The following GRPEL2 variants were observed in gnomAD, a reference collection of about 807,000 sequenced individuals.
GRPEL2 encodes the protein GrpE like 2, mitochondrial.
In GRPEL2, 18 loss-of-function variants were observed where a neutral mutation model predicts 25.9. The ratio of observed to expected loss-of-function variants is 0.70; its 90% CI spans 0.48 to 1.03. The LOEUF (loss-of-function observed/expected upper bound fraction) is 1.03. Among genes scored for constraint, GRPEL2 ranks in the 50% least tolerant of loss-of-function variants. The probability of loss-of-function intolerance (pLI) is 0.00; values close to 1 mark genes in which losing one functional copy is unlikely to be tolerated. For synonymous variants in GRPEL2, 106 were observed against 107.9 expected (o/e 0.98, Z 0.11); for missense variants, 247 against 276.2 (o/e 0.89, Z 0.75).
In GRPEL2 at chr5:149,351,474, G is replaced by A. The variant is rs1757775210; in HGVS notation, c.*192G>A. The A allele has an allele frequency of 1.7e-6, 1 of 585,902 alleles. No individual in the cohort carries two copies. The allele number at this position is 585,902 out of a possible 1,614,324, so 36.3% of individuals were successfully genotyped here. ...TGGTCTCATCAGAAGTCTTACCATT[G>A]GGCATTTGAACAGTGTGACAGGTGT... On this transcript the variant is annotated 3_prime_UTR_variant, in exon 4 of 4. Transcript: ENST00000329271.
In GRPEL2 at chr5:149,346,715, A is replaced by ATTTT. The variant is rs34300270; in HGVS notation, c.77+1136_77+1139dup. Among the ~76,000 whole-genome samples the ATTTT allele has an allele frequency of 4.8e-3, 282 of 59,260 alleles. 44 individuals are homozygous for ATTTT. Among genetic ancestry groups the ATTTT allele is most frequent in the Non-Finnish European group, 6.0e-3 (210 of 35,054 alleles). 38.9% of individuals were successfully genotyped at this position (59,260 alleles called of 152,430 possible). On this transcript the variant is annotated intron_variant, in intron 1 of 3. Transcript: ENST00000329271. ...TTTTCCCTTTGAACTGGCCCTGAGA[A>ATTTT]TTTTTTTTTTTTTTTTTTTTTTTTT...
chr5:149,346,671 T>C (rs1341411879), intron 1 of GRPEL2, among the ~76,000 whole-genome samples: 1 of 151,476 alleles, frequency 6.6e-6, no homozygotes, highest in Non-Finnish European at 1.5e-5. Flanking sequence ...ACCCTATTTC[T>C]TGGTCTAAGC....
In GRPEL2 at chr5:149,347,490, C is replaced by T. The variant is rs1286778845; in HGVS notation, c.78-782C>T. On this transcript the variant is annotated intron_variant, in intron 1 of 3. Coordinates refer to ENST00000329271, the MANE Select transcript of GRPEL2 (RefSeq NM_152407.4). ...TTGAACTGGGCCAGGTCAGGACTGC[C>T]ACAGCCCAAGATTTGCTGTAAACTA... Among the ~76,000 whole-genome samples the T allele has an allele frequency of 2.0e-5, 3 of 152,320 alleles. No homozygotes were observed. In the East Asian group the frequency reaches 5.8e-4, roughly 29 times the overall value.
chr5:149,352,923 A>G lies in GRPEL2; in HGVS notation c.*1641A>G. On this transcript the variant is annotated 3_prime_UTR_variant, in exon 4 of 4. Coordinates refer to ENST00000329271, the MANE Select transcript of GRPEL2 (RefSeq NM_152407.4). ...ATTTAAGATTAATGGGCATGCAATG[A>G]AGTCTCCAGCAGACAATCAGATGTT... 1 of 152,310 alleles carries G rather than the reference A, an allele frequency of 6.6e-6. No homozygotes were observed. The highest frequency in any genetic ancestry group is 1.9e-4 in the East Asian group (1 of 5,206). The allele number at this position is 152,310 out of a possible 1,614,324, so 9.4% of individuals were successfully genotyped here. A position where few individuals can be genotyped will look rare whatever the true frequency, so the allele number is the denominator to read the frequency against.
At chr5:149,346,365 G>A (rs1190578023) in intron 1 of GRPEL2, among the ~76,000 whole-genome samples, 1 of 152,170 alleles carries the variant, frequency 6.6e-6, no homozygotes, top group Non-Finnish European at 1.5e-5. Flanking sequence ...TGAGTACGAG[G>A]TAGGGTTGGA....
At chr5:149,349,827 A>T in intron 3 of GRPEL2, 92 bp downstream of exon 3, 1 of 863,488 alleles carries the variant, frequency 1.2e-6, no homozygotes. Context: ...AGGCTGTCAG[A>T]TCACATGAGA....
At chr5:149,345,733 C>T (rs1167707164) in intron 1 of GRPEL2, 117 bp downstream of exon 1, 7 of 812,798 alleles carry the variant, frequency 8.6e-6, no homozygotes, top group Non-Finnish European at 1.4e-5. Context: ...GGGGACCAAG[C>T]TTCTCGGCCT....
chr5:149,351,217 C>T lies in GRPEL2; in HGVS notation c.613C>T (p.Leu205Phe). The T allele has an allele frequency of 6.2e-7, 1 of 1,614,152 alleles. No individual in the cohort carries two copies. Among genetic ancestry groups the T allele is most frequent in the East Asian group, 2.2e-5 (1 of 44,878 alleles). ...ATTAGTAAGACAAGATGGCTACAAA[C>T]TTCATGGCCGCACCATTAGGCTTGC... Reference protein sequence around the residue: ...VALVRQDGYKLHGRTIRLARV... With the variant: ...VALVRQDGYKFHGRTIRLARV... The change falls in exon 4 of 4, where the codon CTT (leucine) becomes TTT (phenylalanine). Residue 205 changes from leucine to phenylalanine, a missense_variant. Transcript: ENST00000329271.
chr5:149,346,997 T>C (rs1449012222), intron 1 of GRPEL2, among the ~76,000 whole-genome samples: 1 of 152,144 alleles, frequency 6.6e-6, no homozygotes, highest in Non-Finnish European at 1.5e-5. Flanking sequence ...AGTGCTGGGA[T>C]TACAGGCGTG....
chr5:149,346,897 C>T (rs1261288758), intron 1 of GRPEL2, among the ~76,000 whole-genome samples: 1 of 151,798 alleles, frequency 6.6e-6, no homozygotes, highest in Non-Finnish European at 1.5e-5. Flanking sequence ...GCCACTACGC[C>T]CAGCTAATTT....
intron 3 of GRPEL2, 175 bp downstream of exon 3, chr5:149,349,910 G>A (rs1757749737): frequency 1.7e-6 from 1 of 586,624 alleles, no homozygotes. Context: ...TAGGCATGGT[G>A]GCAGGCGCCT....
Position 149,345,604 on chromosome 5 carries a change from C to A in GRPEL2, c.65C>A (p.Ala22Glu). The A allele has an allele frequency of 4.3e-6, 7 of 1,610,178 alleles. No homozygotes were observed. Among genetic ancestry groups the A allele is most frequent in the Non-Finnish European group, 5.9e-6 (7 of 1,178,622 alleles). The change falls in exon 1 of 4, where the codon GCG becomes GAG. Residue 22 changes from alanine (A) to glutamate (E), a missense_variant. Around this residue, in one of 2 missense-constraint regions of GRPEL2, gnomAD observed 125 missense variants for 107.0 expected, o/e 1.17. Transcript: ENST00000329271. ...RVQRLLAWSA[A>E]WESKGWPLPF... ...CAGCGCCTACTGGCCTGGAGTGCCG[C>A]GTGGGAGAGCAAGTAAGCATTGCAG...
Position 149,348,334 on chromosome 5 carries a change from A to C in GRPEL2, c.140A>C (p.Glu47Ala), listed in dbSNP as rs1284106786. 6.2e-7 allele frequency: 1 copy of C among 1,613,380 alleles called. No individual in the cohort carries two copies. The highest frequency in any genetic ancestry group is 8.5e-7 in the Non-Finnish European group (1 of 1,179,878). The stretch of plus-strand genomic sequence containing the variant: ...ACTGCTGGTGAGGACTGCCGTTCTG[A>C]GGACCCTCCTGATGAGCTTGGGCCC... ...QRTAGEDCRS[E>A]DPPDELGPPL... The change falls in exon 2 of 4, where the codon GAG (glutamate) becomes GCG (alanine). Residue 47 changes from glutamate (E) to alanine (A), a missense_variant. By Grantham distance (107) the Glu-to-Ala change is moderately radical (BLOSUM62 -1). Coordinates refer to ENST00000329271, the MANE Select transcript of GRPEL2 (RefSeq NM_152407.4).
rs754963360 is a variant in GRPEL2 at position 149,350,980 on chromosome 5, T to G, written c.376T>G (p.Cys126Gly). The change falls in exon 4 of 4, where the codon TGC becomes GGC. Residue 126 changes from cysteine to glycine, a missense_variant. This residue lies in a region of GRPEL2 where 122 missense variants were observed against 169.2 expected (regional missense o/e 0.72). Transcript: ENST00000329271. Reference sequence around the variant, plus strand: ...TGACATTTTGGAGAAGACTACAGAGTGCATTTCTGAAGAATCGGAGCCTGA... The same window carrying G: ...TGACATTTTGGAGAAGACTACAGAGGGCATTTCTGAAGAATCGGAGCCTGA... ...VADILEKTTE[C>G]ISEESEPEDQ... The G allele has an allele frequency of 2.4e-5, 39 of 1,613,910 alleles. No homozygotes were observed. Among genetic ancestry groups the G allele is most frequent in the Non-Finnish European group, 3.1e-5 (36 of 1,179,964 alleles).
rs187777262 is a variant in GRPEL2 at position 149,349,661 on chromosome 5, A to G, written c.239A>G (p.Tyr80Cys). ...EKEVQDLTVR[Y>C]QRAIADCENI... ...TTTGCTTTTGATATTCAGGTGAGATACCAGAGAGCTATAGCTGATTGTGAA... is the reference window on the plus strand; with the variant it reads ...TTTGCTTTTGATATTCAGGTGAGATGCCAGAGAGCTATAGCTGATTGTGAA... Residue 80 changes from tyrosine to cysteine, a missense_variant, in exon 3 of 4, where the codon TAC becomes TGC. Tyr to Cys is a radical substitution (Grantham distance 194). Coordinates refer to ENST00000329271, the MANE Select transcript of GRPEL2 (RefSeq NM_152407.4). The G allele has an allele frequency of 5.0e-6, 8 of 1,604,998 alleles. No individual in the cohort carries two copies. In the East Asian group the frequency reaches 6.7e-5, roughly 14 times the overall value.
chr5:149,347,966 C>T (rs149195763), intron 1 of GRPEL2: 329 of 223,064 alleles, frequency 1.5e-3, no homozygotes, highest in African/African-American at 6.8e-3. Context: ...CCTGACCCAG[C>T]GGAATACCAA....
chr5:149,348,978 T>C (rs1358964422), intron 2 of GRPEL2, among the ~76,000 whole-genome samples: 2 of 151,116 alleles, frequency 1.3e-5, no homozygotes, highest in Admixed American at 6.6e-5. Flanking sequence ...AATAACTGCC[T>C]CCAAATAGAT....
In GRPEL2 at chr5:149,351,383, T is replaced by C; in HGVS notation, c.*101T>C. 5 of 1,252,378 alleles carry C rather than the reference T, an allele frequency of 4.0e-6. No individual in the cohort carries two copies. The highest frequency in any genetic ancestry group is 4.4e-6 in the Non-Finnish European group (4 of 908,884). The allele number at this position is 1,252,378 out of a possible 1,614,324, so 77.6% of individuals were successfully genotyped here. On this transcript the variant is annotated 3_prime_UTR_variant, in exon 4 of 4. Coordinates refer to ENST00000329271, the MANE Select transcript of GRPEL2 (RefSeq NM_152407.4). ...ATTGTACATGAGGTACTTCATGTGA[T>C]ATGTTTTGGATTTAGTCATATTGGC...
rs1204401880 is a variant in GRPEL2, at chr5:149,351,279, G to A, written c.675G>A (p.Leu225=). 1.9e-6 allele frequency: 3 copies of A among 1,603,684 alleles called. No individual in the cohort carries two copies. The highest frequency in any genetic ancestry group is 2.2e-5 in the South Asian group (2 of 90,776). ...VEVAVESQRR[L] Reference sequence around the variant, plus strand: ...TGGCAGTGGAGTCTCAGAGAAGACTGTGAAGAGGCCATCAGGAACTGGATG... The same window carrying A: ...TGGCAGTGGAGTCTCAGAGAAGACTATGAAGAGGCCATCAGGAACTGGATG... The change falls in exon 4 of 4, where the codon CTG becomes CTA. Residue 225 remains leucine, a synonymous_variant. Coordinates refer to ENST00000329271, the MANE Select transcript of GRPEL2 (RefSeq NM_152407.4).
Sources: gnomAD v4.1 joint callset for allele counts (sites outside exome capture counted in the v4.1 genomes callset) on GRCh38, gnomAD v4.1.1 for gene constraint, gnomAD v4.1.1 regional missense constraint, MANE v1.5 for transcripts, NCBI Gene and HGNC (gene_info 2026-07-23, HGNC 2026-07-21) for gene names.